FRS2: variants seen among roughly 807,000 people sequenced by gnomAD.
FRS2 encodes the protein fibroblast growth factor receptor substrate 2.
In FRS2, 8 loss-of-function variants were observed where a neutral mutation model predicts 43.9. That is an observed-to-expected ratio of 0.18 (90% confidence interval 0.11 to 0.33). The LOEUF (loss-of-function observed/expected upper bound fraction) is 0.33. FRS2 is among the 10% of genes least tolerant of loss of function. The probability of loss-of-function intolerance (pLI) is 1.00; values close to 1 mark genes in which losing one functional copy is unlikely to be tolerated. For missense variants in FRS2, 534 were observed against 627.6 expected, an observed-to-expected ratio of 0.85 and a Z score of 1.59; for synonymous variants, 219 against 220.3, an observed-to-expected ratio of 0.99 and a Z score of 0.05.
At chr12:69,535,119 G>GT (rs1401270219) in intron 3 of FRS2, among the ~76,000 whole-genome samples, 5 of 152,016 alleles carry the variant, frequency 3.3e-5, no homozygotes, top group Admixed American at 3.3e-4. Context: ...AAAACTGAGT[G>GT]TTTTTTCCTC....
intron 1 of FRS2, among the ~76,000 whole-genome samples, chr12:69,485,673 G>C (rs221086): frequency 0.094 from 14,209 of 150,900 alleles, 879 homozygotes; most frequent in Non-Finnish European, 0.14. Context: ...TCACCATTTT[G>C]GCCAGGCTGG....
Position 69,578,750 on chromosome 12 carries a change from T to C in FRS2, c.*3795T>C, listed in dbSNP as rs1275379905. 6.6e-6 allele frequency: 1 copy of C among 152,642 alleles called. No individual in the cohort carries two copies. The highest frequency in any genetic ancestry group is 1.5e-5 in the Non-Finnish European group (1 of 68,026). 9.5% of individuals were successfully genotyped at this position (152,642 alleles called of 1,614,324 possible). On this transcript the variant is annotated 3_prime_UTR_variant, in exon 9 of 9. Transcript: ENST00000549921. ...TGTCCTAATTTGCATTATAAATGTT[T>C]TTTTCCTACGTAAAGGCATAAATAT...
chr12:69,526,498 A>G (rs773033473), intron 1 of FRS2, among the ~76,000 whole-genome samples: 3 of 152,334 alleles, frequency 2.0e-5, no homozygotes, highest in Admixed American at 6.5e-5. Context: ...ATAAAATCAG[A>G]TGCTATTGAG....
In FRS2 at chr12:69,578,648, A is replaced by G. The variant is rs1565792567; in HGVS notation, c.*3693A>G. On this transcript the variant is annotated 3_prime_UTR_variant, in exon 9 of 9. Transcript: ENST00000549921. ...GCCACATTTGCATTAGTAATGCAAAATATACATTTTATAAAGGACAAACTT... is the reference window on the plus strand; with the variant it reads ...GCCACATTTGCATTAGTAATGCAAAGTATACATTTTATAAAGGACAAACTT... 6.6e-6 allele frequency: 1 copy of G among 152,646 alleles called. No individual in the cohort carries two copies. The highest frequency in any genetic ancestry group is 1.5e-5 in the Non-Finnish European group (1 of 68,012). 9.5% of individuals were successfully genotyped at this position (152,646 alleles called of 1,614,324 possible). A position where few individuals can be genotyped will look rare whatever the true frequency, so the allele number is the denominator to read the frequency against.
intron 3 of FRS2, among the ~76,000 whole-genome samples, chr12:69,543,002 A>T (rs1355042946): frequency 6.6e-6 from 1 of 152,218 alleles, no homozygotes; most frequent in Non-Finnish European, 1.5e-5. Flanking sequence ...TATAATGCAA[A>T]TGACAGTTTT....
chr12:69,481,884 C>T (rs1871373921), intron 1 of FRS2, among the ~76,000 whole-genome samples: 1 of 152,006 alleles, frequency 6.6e-6, no homozygotes, highest in South Asian at 2.1e-4. Flanking sequence ...CCCACTTGCC[C>T]CTCATTAGTG....
chr12:69,570,307 A>T (rs756299400), intron 5 of FRS2, 24 bp from the exon 6 acceptor site: 1 of 1,578,182 alleles, frequency 6.3e-7, no homozygotes, highest in South Asian at 1.1e-5. Flanking sequence ...ACATATTTGC[A>T]TGACTGTCAC....
At chr12:69,496,866 CAG>C (rs368269725) in intron 1 of FRS2, among the ~76,000 whole-genome samples, 2 of 152,156 alleles carry the variant, frequency 1.3e-5, no homozygotes, top group African/African-American at 2.4e-5. Context: ...CAATAGGTAA[CAG>C]AGAACAATTC....
intron 1 of FRS2, among the ~76,000 whole-genome samples, chr12:69,498,658 A>T (rs185525385): frequency 1.1e-4 from 17 of 151,962 alleles, no homozygotes; most frequent in Admixed American, 4.6e-4. Flanking sequence ...AAGCCAAAAG[A>T]TTGGACACCC....
At chr12:69,564,408 A>G (rs1006517397) in intron 4 of FRS2, among the ~76,000 whole-genome samples, 1 of 152,054 alleles carries the variant, frequency 6.6e-6, no homozygotes, top group African/African-American at 2.4e-5. Context: ...CTTCTCCCTC[A>G]AACACATACT....
At chr12:69,567,825 G>C (rs1352833075) in intron 4 of FRS2, among the ~76,000 whole-genome samples, 7 of 152,152 alleles carry the variant, frequency 4.6e-5, no homozygotes, top group Non-Finnish European at 1.0e-4. Flanking sequence ...ACTAAGAATA[G>C]GGCTTGAAAC....
At chr12:69,539,201 A>T (rs907547000) in intron 3 of FRS2, among the ~76,000 whole-genome samples, 1 of 152,118 alleles carries the variant, frequency 6.6e-6, no homozygotes, top group Non-Finnish European at 1.5e-5. Flanking sequence ...CAGCCTCCCG[A>T]GTAGCTGGGA....
intron 4 of FRS2, among the ~76,000 whole-genome samples, chr12:69,565,148 C>A (rs1379187778): frequency 1.3e-5 from 2 of 152,346 alleles, no homozygotes; most frequent in Non-Finnish European, 2.9e-5. Flanking sequence ...AGCAACATCA[C>A]TGTACTGAAT....
intron 1 of FRS2, among the ~76,000 whole-genome samples, chr12:69,506,868 C>G (rs1055222088): frequency 2.0e-5 from 3 of 152,166 alleles, no homozygotes; most frequent in Admixed American, 6.5e-5. Flanking sequence ...CATGAGGGCT[C>G]TGCCCTCATG....
At chr12:69,538,401 G>C (rs1877550635) in intron 3 of FRS2, among the ~76,000 whole-genome samples, 5 of 151,442 alleles carry the variant, frequency 3.3e-5, no homozygotes, top group Admixed American at 3.3e-4. Context: ...AATGCTAATC[G>C]GCGGTCTCCC....
At chr12:69,544,481 T>C (rs921922428) in intron 3 of FRS2, among the ~76,000 whole-genome samples, 1 of 151,944 alleles carries the variant, frequency 6.6e-6, no homozygotes, top group Non-Finnish European at 1.5e-5. Flanking sequence ...CTGAGGTGGG[T>C]GAGTCACTTG....
intron 3 of FRS2, among the ~76,000 whole-genome samples, chr12:69,536,645 T>C: frequency 6.6e-6 from 1 of 151,620 alleles, no homozygotes; most frequent in South Asian, 2.1e-4. Context: ...AGTGGCACGA[T>C]CCTTTAGCCT....
chr12:69,531,673 A>G (rs1876811321), intron 2 of FRS2, among the ~76,000 whole-genome samples: 1 of 152,180 alleles, frequency 6.6e-6, no homozygotes, highest in African/African-American at 2.4e-5. Flanking sequence ...ACCGAAAAAA[A>G]AAAAGGACCC....
At chr12:69,486,950 A>G (rs776454631) in intron 1 of FRS2, among the ~76,000 whole-genome samples, 14 of 152,246 alleles carry the variant, frequency 9.2e-5, no homozygotes, top group Admixed American at 2.0e-4. Context: ...GAGGCCATCT[A>G]TGTAACATAA....
Sources: gnomAD v4.1 joint callset for allele counts (sites outside exome capture counted in the v4.1 genomes callset) on GRCh38, gnomAD v4.1.1 for gene constraint, MANE v1.5 for transcripts, NCBI Gene and HGNC (gene_info 2026-07-23, HGNC 2026-07-21) for gene names.